Variants in CEP72 observed in about 807,000 individuals in gnomAD.
CEP72 encodes the protein centrosomal protein 72.
In CEP72, 78 loss-of-function variants were observed where a neutral mutation model predicts 65.7. That is an observed-to-expected ratio of 1.19 (90% CI 0.99 to 1.43). The LOEUF (loss-of-function observed/expected upper bound fraction) is 1.43. Ranked by LOEUF, CEP72 falls within the 40% of genes most tolerant of loss-of-function variation. The pLI, the probability that CEP72 is intolerant of heterozygous loss-of-function variation, is 0.00. For missense variants in CEP72, 914 were observed against 832.9 expected (o/e 1.10, Z -1.20); for synonymous variants, 358 against 351.7 (o/e 1.02, Z -0.20).
chr5:641,037 C>T (rs1292808922), intron 9 of CEP72: 1 of 985,340 alleles, frequency 1.0e-6, no homozygotes, highest in African/African-American at 1.7e-5. Flanking sequence ...AAACCAGCAG[C>T]TGAAAACCTG....
chr5:652,986 A>G lies in CEP72; in HGVS notation c.1779-2A>G, dbSNP rs1426625960. On this transcript the variant is annotated splice_acceptor_variant, in intron 11 of 11. Transcript: ENST00000264935. LOFTEE classifies it high-confidence loss of function. ...AGCAGCCGCTTCCCTGTTGTTCTGCAGCTCCCTGGTCAGCACCAATGAACA... is the reference window on the plus strand; with the variant it reads ...AGCAGCCGCTTCCCTGTTGTTCTGCGGCTCCCTGGTCAGCACCAATGAACA... 1.2e-6 allele frequency: 2 copies of G among 1,602,992 alleles called. No homozygotes were observed. The highest frequency in any genetic ancestry group is 1.7e-6 in the Non-Finnish European group (2 of 1,174,584).
chr5:652,821 C>T (rs1326968079), intron 11 of CEP72, among the ~76,000 whole-genome samples, 167 bp from the exon 12 acceptor site: 2 of 152,196 alleles, frequency 1.3e-5, no homozygotes, highest in Non-Finnish European at 2.9e-5. Context: ...GGCAGGTGGG[C>T]GGTAGCCAGT....
intron 1 of CEP72, among the ~76,000 whole-genome samples, chr5:616,182 C>G (rs1308651647): frequency 6.6e-6 from 1 of 152,064 alleles, no homozygotes; most frequent in Non-Finnish European, 1.5e-5. Context: ...CAGCAGTTGT[C>G]TTAGGGCAGG....
At chr5:668,878 G>A (rs574534686), downstream of CEP72, among the ~76,000 whole-genome samples, 5 of 152,318 alleles carry the variant, frequency 3.3e-5, no homozygotes, top group South Asian at 4.1e-4. Context: ...CACCCAACGC[G>A]GTGGGTGCCA....
intron 2 of CEP72, chr5:663,678 C>T (rs1739776946): frequency 6.6e-6 from 1 of 152,338 alleles, no homozygotes; most frequent in South Asian, 2.1e-4. Flanking sequence ...GCCTCGCCAC[C>T]CTCCTGTACT....
chr5:644,380 G>T lies in CEP72; in HGVS notation c.1621G>T (p.Val541Leu). The T allele has an allele frequency of 6.2e-7, 1 of 1,613,996 alleles. No homozygotes were observed. The highest frequency in any genetic ancestry group is 8.5e-7 in the Non-Finnish European group (1 of 1,179,962). Residue 541 changes from valine (V) to leucine (L), a missense_variant, in exon 10 of 12, where the codon GTG (valine) becomes TTG (leucine). By Grantham distance (32) the Val-to-Leu change is conservative. Transcript: ENST00000264935. ...GCTTTTGTTGAGTATGAAAAAGGAA[G>T]TGAAGAGTGCAGACACTGCAGCCAC... Reference protein sequence around the residue: ...KSLLLSMKKEVKSADTAATLN... With the variant: ...KSLLLSMKKELKSADTAATLN...
At chr5:670,043 G>T (rs560348347), downstream of CEP72, among the ~76,000 whole-genome samples, 489 of 152,082 alleles carry the variant, frequency 3.2e-3, no homozygotes, top group Non-Finnish European at 5.3e-3. Context: ...CATACACGAT[G>T]CCCTGCGGGG....
At chr5:627,047 C>T (rs1334104583) in intron 4 of CEP72, among the ~76,000 whole-genome samples, 1 of 152,192 alleles carries the variant, frequency 6.6e-6, no homozygotes. Flanking sequence ...GTTAGGAAGT[C>T]ATCTCTCTGC....
chr5:641,423 G>C lies in CEP72; in HGVS notation c.1539+819G>C, dbSNP rs532167479. The C allele has an allele frequency of 4.1e-6, 4 of 985,432 alleles. No homozygotes were observed. The African/African-American group carries it at 5.2e-5, about 13-fold the overall frequency. 61.0% of individuals were successfully genotyped at this position (985,432 alleles called of 1,614,324 possible). The stretch of plus-strand genomic sequence containing the variant: ...ATTGCGAGTGAAGTCGGCCCGGGAC[G>C]GCTTCGAAAACTGCCTCTGAACTTG... On this transcript the variant is annotated intron_variant, in intron 9 of 11. Transcript: ENST00000264935.
At chr5:668,973 G>A (rs1740077106), downstream of CEP72, among the ~76,000 whole-genome samples, 1 of 152,206 alleles carries the variant, frequency 6.6e-6, no homozygotes, top group Non-Finnish European at 1.5e-5. Flanking sequence ...AACAGCACCT[G>A]AGGGTTCCCA....
At chr5:634,585 C>G (rs1284183468) in intron 5 of CEP72, among the ~76,000 whole-genome samples, 1 of 152,234 alleles carries the variant, frequency 6.6e-6, no homozygotes, top group Admixed American at 6.5e-5. Flanking sequence ...GTCCTTTAAT[C>G]CTAGCTGCTC....
chr5:619,079 T>G lies in CEP72; in HGVS notation c.172T>G (p.Ser58Ala). The G allele has an allele frequency of 6.2e-7, 1 of 1,613,942 alleles. No individual in the cohort carries two copies. Among genetic ancestry groups the G allele is most frequent in the Admixed American group, 1.7e-5 (1 of 60,024 alleles). Reference sequence around the variant, plus strand: ...TCTGATGAGTTTAACAGGTCTGAAATCTTTGGATCTCTCGCGCAACTCCTT... The same window carrying G: ...TCTGATGAGTTTAACAGGTCTGAAAGCTTTGGATCTCTCGCGCAACTCCTT... ...HSLMSLTGLK[S>A]LDLSRNSLVS... The change falls in exon 2 of 12, where the codon TCT becomes GCT. Residue 58 changes from serine to alanine, a missense_variant. Transcript: ENST00000264935.
At chr5:619,827 C>T (rs1025538611) in intron 2 of CEP72, among the ~76,000 whole-genome samples, 4 of 152,184 alleles carry the variant, frequency 2.6e-5, no homozygotes, top group Non-Finnish European at 4.4e-5. Flanking sequence ...GCTGAGGCCT[C>T]GGTAGATATT....
At chr5:676,523 A>C in the CEP72 span, 1 of 150,722 alleles carries the variant, frequency 6.6e-6, no homozygotes, top group Non-Finnish European at 1.5e-5. Context: ...AGAGGTGATG[A>C]GTTTGCGGCA....
Position 629,026 on chromosome 5 carries a change from G to T in CEP72, c.512+4447G>T, listed in dbSNP as rs1339719883. Among the ~76,000 whole-genome samples, 43 of 145,996 alleles carry T rather than the reference G, an allele frequency of 2.9e-4. 3 individuals carry two copies. Among genetic ancestry groups the T allele is most frequent in the African/African-American group, 1.1e-3 (40 of 36,190 alleles). On this transcript the variant is annotated intron_variant, in intron 4 of 11. Coordinates refer to ENST00000264935, the MANE Select transcript of CEP72 (RefSeq NM_018140.4). Reference sequence around the variant, plus strand: ...GCGTTCTGGAGAACTCAGATCGCAGGCCCCGGGGAGTGGGACTGTCCTCGG... The same window carrying T: ...GCGTTCTGGAGAACTCAGATCGCAGTCCCCGGGGAGTGGGACTGTCCTCGG...
chr5:628,768 T>G (rs74925137), intron 4 of CEP72, among the ~76,000 whole-genome samples: 95 of 116,968 alleles, frequency 8.1e-4, no homozygotes, highest in South Asian at 1.8e-3. Flanking sequence ...CCGGGGAGTG[T>G]TCCCACGACC....
downstream of CEP72, among the ~76,000 whole-genome samples, chr5:668,363 TGG>T (rs1740032975): frequency 1.9e-5 from 2 of 107,842 alleles, no homozygotes; most frequent in African/African-American, 7.7e-5. Flanking sequence ...ACAAGCACAC[TGG>T]AGAGGGGTCC....
At position 665,113 on chromosome 5, in the gene CEP72, C is replaced by T. The variant is rs1345590978; in HGVS notation, n.288-67C>T. ...GCATGGAGCGGGGGCTACTTGCCCC[C>T]TTGCACCTTCTGGTCGTAGGTGCCT... On this transcript the variant is annotated intron_variant and non_coding_transcript_variant, in intron 2 of 4. Transcript: ENST00000514507. The T allele has an allele frequency of 1.2e-6, 2 of 1,610,876 alleles. No individual in the cohort carries two copies. The highest frequency in any genetic ancestry group is 1.7e-5 in the Admixed American group (1 of 60,012).
chr5:662,945 C>T, intron 1 of CEP72: 1 of 145,222 alleles, frequency 6.9e-6, no homozygotes, highest in African/African-American at 2.8e-5. Flanking sequence ...TCGGGTGAGT[C>T]CGATGACTGC....
Sources: gnomAD v4.1 joint callset for allele counts (sites outside exome capture counted in the v4.1 genomes callset) on GRCh38, gnomAD v4.1.1 for gene constraint, MANE v1.5 for transcripts, NCBI Gene and HGNC (gene_info 2026-07-23, HGNC 2026-07-21) for gene names.